RBFOX1: variants seen among roughly 807,000 people sequenced by gnomAD.
RBFOX1 encodes RNA binding fox-1 homolog 1.
In RBFOX1, 8 loss-of-function variants were observed where a neutral mutation model predicts 57.7. The observed-to-expected ratio is 0.14, with a 90% CI of 0.08 to 0.25. The LOEUF (loss-of-function observed/expected upper bound fraction) is 0.25, where lower values mean the gene tolerates loss of function less well. Among genes scored for constraint, RBFOX1 ranks in the 10% least tolerant of loss-of-function variants. The pLI is 1.00. For missense variants in RBFOX1, 611 were observed against 548.5 expected (o/e 1.11, Z -1.14); for synonymous variants, 326 against 222.4 (o/e 1.47, Z -4.15).
At chr16:5,846,254 C>T (rs1301792775) in intron 3 of RBFOX1, among the ~76,000 whole-genome samples, 1 of 151,282 alleles carries the variant, frequency 6.6e-6, no homozygotes, top group Non-Finnish European at 1.5e-5. Flanking sequence ...ATGGTGGAGG[C>T]CCAGTAGTAG....
At chr16:7,515,679 C>G (rs1280960616) in intron 4 of RBFOX1, among the ~76,000 whole-genome samples, 1 of 152,146 alleles carries the variant, frequency 6.6e-6, no homozygotes, top group East Asian at 1.9e-4. Flanking sequence ...GTAACTACAA[C>G]AAACAGGGAT....
chr16:7,579,606 G>A (rs1202993905), intron 5 of RBFOX1, among the ~76,000 whole-genome samples, 171 bp from the exon 6 acceptor site: 5 of 152,184 alleles, frequency 3.3e-5, no homozygotes, highest in South Asian at 2.1e-4. Flanking sequence ...CCCAGTGGAC[G>A]CTCAGAAAAC....
At chr16:6,225,215 A>G (rs1197192147) in intron 1 of RBFOX1, among the ~76,000 whole-genome samples, 1 of 97,656 alleles carries the variant, frequency 1.0e-5, no homozygotes. Flanking sequence ...TGAACTGCTA[A>G]CTGAAGTAGG....
chr16:5,381,622 C>A (rs569972256), intron 1 of RBFOX1, among the ~76,000 whole-genome samples: 1 of 152,196 alleles, frequency 6.6e-6, no homozygotes, highest in Non-Finnish European at 1.5e-5. Context: ...TGTGCTAACT[C>A]CCCCATAGGG....
At chr16:7,115,602 T>C (rs1346912480) in intron 4 of RBFOX1, among the ~76,000 whole-genome samples, 1 of 152,180 alleles carries the variant, frequency 6.6e-6, no homozygotes, top group African/African-American at 2.4e-5. Context: ...CCCACAGATT[T>C]ACCTCTGGAA....
chr16:6,117,178 G>C (rs1028834520), intron 1 of RBFOX1, among the ~76,000 whole-genome samples: 8 of 152,222 alleles, frequency 5.3e-5, no homozygotes, highest in African/African-American at 1.9e-4. Context: ...GGGATTCCCT[G>C]TGAAAAGGGT....
chr16:7,635,571 G>C (rs1484443913), intron 11 of RBFOX1, among the ~76,000 whole-genome samples: 1 of 152,090 alleles, frequency 6.6e-6, no homozygotes, highest in Non-Finnish European at 1.5e-5. Flanking sequence ...TGCAATGGTG[G>C]GGGCGGGGGA....
chr16:6,404,256 T>C (rs1364517714), intron 2 of RBFOX1, among the ~76,000 whole-genome samples: 1 of 152,196 alleles, frequency 6.6e-6, no homozygotes, highest in East Asian at 1.9e-4. Flanking sequence ...ACAAGTAATG[T>C]AGAGATGATT....
intron 3 of RBFOX1, among the ~76,000 whole-genome samples, chr16:6,898,730 A>C (rs1192120504): frequency 6.6e-6 from 1 of 152,010 alleles, no homozygotes; most frequent in African/African-American, 2.4e-5. Context: ...TATGTGTATG[A>C]TACATGTGTA....
chr16:6,864,273 A>T (rs1164110878), intron 3 of RBFOX1, among the ~76,000 whole-genome samples: 1 of 152,186 alleles, frequency 6.6e-6, no homozygotes, highest in African/African-American at 2.4e-5. Flanking sequence ...GACACGTTCA[A>T]AAATAAGAAA....
chr16:6,148,321 C>T (rs776146690), intron 1 of RBFOX1, among the ~76,000 whole-genome samples: 9 of 152,198 alleles, frequency 5.9e-5, no homozygotes, highest in Middle Eastern at 3.2e-3. Context: ...AGTGAGACTC[C>T]GTCTCAAAAT....
chr16:7,455,920 C>A (rs988551598), intron 4 of RBFOX1, among the ~76,000 whole-genome samples: 6 of 152,108 alleles, frequency 3.9e-5, no homozygotes, highest in East Asian at 3.9e-4. Context: ...TCTTACAGCA[C>A]CCCTATTAGG....
chr16:6,596,631 A>G (rs2097779182), intron 2 of RBFOX1, among the ~76,000 whole-genome samples: 2 of 143,486 alleles, frequency 1.4e-5, no homozygotes, highest in Non-Finnish European at 2.9e-5. Context: ...AAATAACTTG[A>G]TTTTCAGTAG....
intron 2 of RBFOX1, among the ~76,000 whole-genome samples, chr16:5,561,540 G>T (rs1317622387): frequency 6.6e-6 from 1 of 152,062 alleles, no homozygotes; most frequent in South Asian, 2.1e-4. Flanking sequence ...ACAAAAGAAA[G>T]CCATTATGCA....
Position 6,673,952 on chromosome 16 carries a change from C to G in RBFOX1, c.-16+19302C>G, listed in dbSNP as rs117789240. Among the ~76,000 whole-genome samples, 5 of 152,166 alleles carry G rather than the reference C, an allele frequency of 3.3e-5. No individual in the cohort carries two copies. In the East Asian group the frequency reaches 9.7e-4, roughly 29 times the overall value. ...CCAGGTGGAATGGATCTGCACACCT[C>G]CAGAACAAAGGAAGGAGACTCTAGG... On this transcript the variant is annotated intron_variant, in intron 3 of 15. Coordinates refer to ENST00000550418, the MANE Select transcript of RBFOX1 (RefSeq NM_018723.4).
intron 11 of RBFOX1, among the ~76,000 whole-genome samples, chr16:7,644,468 G>C (rs1410303334): frequency 1.3e-5 from 2 of 152,264 alleles, no homozygotes; most frequent in South Asian, 2.1e-4. Flanking sequence ...GGAGGTCCAG[G>C]ATCCCTTATC....
At chr16:6,931,234 G>C (rs1199577986) in intron 3 of RBFOX1, among the ~76,000 whole-genome samples, 2 of 151,376 alleles carry the variant, frequency 1.3e-5, no homozygotes, top group African/African-American at 2.4e-5. Flanking sequence ...TGGGAATTAA[G>C]GGGTTGTTTG....
chr16:7,414,577 C>A (rs1359845045), intron 4 of RBFOX1, among the ~76,000 whole-genome samples: 2 of 152,114 alleles, frequency 1.3e-5, no homozygotes, highest in Admixed American at 1.3e-4. Flanking sequence ...TCTACCATAT[C>A]CCAAACACAA....
Position 6,920,484 on chromosome 16 carries a change from C to T in RBFOX1, c.-15-131573C>T, listed in dbSNP as rs186201740. Among the ~76,000 whole-genome samples the T allele has an allele frequency of 2.5e-3, 381 of 152,322 alleles. 1 individual carries two copies. In the Middle Eastern group the frequency reaches 0.037, roughly 15 times the overall value. ...ATGTGTCCTAGACATTAAGGGAGCA[C>T]CGAGTCCACAGAGGCTCTTGTAATT... On this transcript the variant is annotated intron_variant, in intron 3 of 15. Transcript: ENST00000550418.
Sources: gnomAD v4.1 joint callset for allele counts (sites outside exome capture counted in the v4.1 genomes callset) on GRCh38, gnomAD v4.1.1 for gene constraint, MANE v1.5 for transcripts, NCBI Gene and HGNC (gene_info 2026-07-23, HGNC 2026-07-21) for gene names.